ADAMTSL1: variants seen among roughly 807,000 people sequenced by gnomAD.
ADAMTSL1 encodes ADAMTS-like protein 1.
ADAMTSL1 carries 126 observed loss-of-function variants against 201.8 expected under a neutral mutation model. The observed-to-expected ratio is 0.62, with a 90% CI of 0.54 to 0.72. The LOEUF (loss-of-function observed/expected upper bound fraction) is 0.72, where lower values mean the gene tolerates loss of function less well. Ranked by LOEUF, ADAMTSL1 falls within the 30% of genes least tolerant of loss-of-function variation. The probability of loss-of-function intolerance (pLI) is 0.00; values close to 1 mark genes in which losing one functional copy is unlikely to be tolerated. For synonymous variants in ADAMTSL1, 1,121 were observed against 903.4 expected (o/e 1.24, Z -4.32); for missense variants, 2,679 against 2,277.8 (o/e 1.18, Z -3.59).
At chr9:18,024,744 T>C (rs1180779940) in intron 1 of ADAMTSL1, among the ~76,000 whole-genome samples, 1 of 152,142 alleles carries the variant, frequency 6.6e-6, no homozygotes, top group Non-Finnish European at 1.5e-5. Flanking sequence ...CGTGTGTCTT[T>C]TTTGGTAGAA....
intron 1 of ADAMTSL1, among the ~76,000 whole-genome samples, chr9:17,963,658 C>T (rs981859659): frequency 3.3e-5 from 5 of 152,204 alleles, no homozygotes; most frequent in East Asian, 3.9e-4. Context: ...TTTTTTAATA[C>T]GGTTCACTTC....
intron 15 of ADAMTSL1, chr9:18,723,258 G>A: frequency 3.3e-6 from 2 of 614,898 alleles, no homozygotes; most frequent in African/African-American, 3.7e-5. Context: ...TACTCCTGCT[G>A]CTGTGTGCTA....
rs754776886 is a variant in ADAMTSL1, at chr9:18,775,852, C to A, written c.2507C>A (p.Pro836His). Reference sequence around the variant, plus strand: ...AATTCCACCCTGTGCCCGCCCCTGCCTTTCTCTTCCTCCATCAGGCCCTGT... The same window carrying A: ...AATTCCACCCTGTGCCCGCCCCTGCATTTCTCTTCCTCCATCAGGCCCTGT... The part of the protein sequence containing the change: ...VVNSTLCPPL[P>H]FSSSIRPCML... Residue 836 changes from proline (P) to histidine (H), a missense_variant, in exon 18 of 29, where the codon CCT becomes CAT. Coordinates refer to ENST00000380548, the MANE Select transcript of ADAMTSL1 (RefSeq NM_001040272.6). The A allele has an allele frequency of 3.1e-6, 5 of 1,604,296 alleles. No individual in the cohort carries two copies. The highest frequency in any genetic ancestry group is 3.4e-6 in the Non-Finnish European group (4 of 1,175,062).
intron 1 of ADAMTSL1, among the ~76,000 whole-genome samples, chr9:18,137,309 TG>T (rs1310415061): frequency 6.6e-6 from 1 of 152,220 alleles, no homozygotes; most frequent in African/African-American, 2.4e-5. Flanking sequence ...ACTTTATTTT[TG>T]AAAGAATTAT....
chr9:18,092,163 A>C (rs574241492), intron 1 of ADAMTSL1, among the ~76,000 whole-genome samples: 23 of 152,264 alleles, frequency 1.5e-4, no homozygotes, highest in African/African-American at 4.8e-4. Context: ...GGGGAAAATG[A>C]AATGAATAAG....
chr9:18,471,647 A>G (rs550229708), upstream of ADAMTSL1, among the ~76,000 whole-genome samples: 4 of 152,308 alleles, frequency 2.6e-5, no homozygotes, highest in African/African-American at 9.6e-5. Flanking sequence ...TGGATGTGCA[A>G]TTGCTTTTCC....
intron 2 of ADAMTSL1, among the ~76,000 whole-genome samples, chr9:18,524,119 G>A (rs948523636): frequency 8.6e-5 from 13 of 151,296 alleles, no homozygotes; most frequent in African/African-American, 2.9e-4. Flanking sequence ...TTATTTCCTC[G>A]AGCAGTGGTT....
At chr9:18,108,141 T>C (rs906840839) in intron 1 of ADAMTSL1, among the ~76,000 whole-genome samples, 12 of 151,838 alleles carry the variant, frequency 7.9e-5, no homozygotes, top group Admixed American at 4.6e-4. Context: ...AATCTTAAAA[T>C]TGAAAGAAGT....
At chr9:18,185,795 C>G (rs985538827) in intron 2 of ADAMTSL1, among the ~76,000 whole-genome samples, 1 of 152,026 alleles carries the variant, frequency 6.6e-6, no homozygotes, top group Non-Finnish European at 1.5e-5. Flanking sequence ...AGTTTACAAG[C>G]ATTGGTTATG....
At chr9:18,274,520 CA>C (rs1465108579) in intron 2 of ADAMTSL1, among the ~76,000 whole-genome samples, 8 of 151,678 alleles carry the variant, frequency 5.3e-5, no homozygotes, top group Admixed American at 2.6e-4. Flanking sequence ...TTTCATAATA[CA>C]ACAGAAATAG....
intron 1 of ADAMTSL1, among the ~76,000 whole-genome samples, chr9:18,062,627 G>T (rs1464970776): frequency 6.6e-6 from 1 of 152,058 alleles, no homozygotes; most frequent in Non-Finnish European, 1.5e-5. Flanking sequence ...GTCTGAGTAA[G>T]GAGAACAGTC....
intron 21 of ADAMTSL1, among the ~76,000 whole-genome samples, chr9:18,818,534 G>T (rs1240180823): frequency 1.3e-5 from 2 of 152,194 alleles, no homozygotes; most frequent in Non-Finnish European, 1.5e-5. Context: ...GCTCACGCCT[G>T]TAATCTCAGC....
chr9:18,703,701 CATATATAT>C lies in ADAMTSL1; in HGVS notation c.1575-3019_1575-3012del, dbSNP rs72258520. Reference sequence around the variant, plus strand: ...AATTACACACGTGCATGCGCACATACATATATATATATATATATATATATATATATATA... The same window carrying C: ...AATTACACACGTGCATGCGCACATACATATATATATATATATATATATATA... On this transcript the variant is annotated intron_variant, in intron 13 of 28. Transcript: ENST00000380548. Among the ~76,000 whole-genome samples the C allele has an allele frequency of 3.5e-3, 277 of 78,828 alleles. 12 individuals carry two copies. The highest frequency in any genetic ancestry group is 0.015 in the Middle Eastern group (2 of 136). The allele number at this position is 78,828 out of a possible 152,430, so 51.7% of individuals were successfully genotyped here.
At chr9:18,376,147 T>A (rs1184089140) in intron 2 of ADAMTSL1, among the ~76,000 whole-genome samples, 1 of 152,216 alleles carries the variant, frequency 6.6e-6, no homozygotes, top group Non-Finnish European at 1.5e-5. Context: ...ATGCAGTAAA[T>A]AATACATTCC....
chr9:18,118,616 A>G (rs1406436812), intron 1 of ADAMTSL1, among the ~76,000 whole-genome samples: 1 of 152,202 alleles, frequency 6.6e-6, no homozygotes, highest in Non-Finnish European at 1.5e-5. Context: ...GAAAACAAAG[A>G]TAAACATAGA....
intron 2 of ADAMTSL1, among the ~76,000 whole-genome samples, chr9:18,456,802 G>A (rs1034958124): frequency 9.2e-5 from 14 of 152,118 alleles, no homozygotes; most frequent in South Asian, 8.3e-4. Context: ...ACCTCAATCT[G>A]ATTTGCACTT....
chr9:18,074,592 T>C (rs996511827), intron 1 of ADAMTSL1, among the ~76,000 whole-genome samples: 9 of 151,612 alleles, frequency 5.9e-5, no homozygotes, highest in African/African-American at 2.2e-4. Context: ...TTTTTGTTGT[T>C]GTTGTTATTG....
chr9:18,513,605 G>C (rs748766901), intron 2 of ADAMTSL1, among the ~76,000 whole-genome samples: 1 of 152,134 alleles, frequency 6.6e-6, no homozygotes, highest in Non-Finnish European at 1.5e-5. Flanking sequence ...GTATTTTCCA[G>C]TTGGAGTTTT....
chr9:18,472,589 C>T (rs576832259), upstream of ADAMTSL1, among the ~76,000 whole-genome samples: 10 of 152,348 alleles, frequency 6.6e-5, no homozygotes, highest in African/African-American at 2.2e-4. Context: ...AGTTGAACAA[C>T]CTGCTTTTCT....
Sources: allele counts gnomAD v4.1 joint callset (sites outside exome capture counted in the v4.1 genomes callset), GRCh38; gene constraint gnomAD v4.1.1; transcripts MANE v1.5; gene names NCBI Gene and HGNC (gene_info 2026-07-23, HGNC 2026-07-21).